Variants in RAVER1 observed in about 807,000 individuals in gnomAD.
RAVER1 encodes the protein ribonucleoprotein PTB-binding 1.
A neutral mutation model predicts 68.4 loss-of-function variants in RAVER1; 36 were observed. That is an observed-to-expected ratio of 0.53 (90% CI 0.40 to 0.70). The LOEUF is 0.70. Ranked by LOEUF, RAVER1 falls within the 30% of genes least tolerant of loss-of-function variation. RAVER1 has a pLI of 0.00. For synonymous variants in RAVER1, 469 were observed against 472.7 expected, an observed-to-expected ratio of 0.99 and a Z score of 0.10; for missense variants, 933 against 1,019.8, an observed-to-expected ratio of 0.91 and a Z score of 1.16.
In RAVER1 at chr19:10,320,448, G is replaced by T. The variant is rs531090858; in HGVS notation, c.1770+207C>A. Among the ~76,000 whole-genome samples the T allele has an allele frequency of 2.7e-5, 4 of 149,734 alleles. No individual in the cohort carries two copies. The East Asian group carries it at 7.9e-4, about 30-fold the overall frequency. On this transcript the variant is annotated intron_variant, in intron 9 of 12. Transcript: ENST00000617231. ...GAGCCCAAGAGGTTGAGGCTGCAGT[G>T]AGCTATGATCGCACCACTGCACTCC...
chr19:10,318,417 C>T, intron 10 of RAVER1, 45 bp from the exon 11 acceptor site: 1 of 1,482,160 alleles, frequency 6.7e-7, no homozygotes, highest in East Asian at 2.5e-5. Context: ...ATTGTAGTAC[C>T]CAGCCCTTTG....
At position 10,320,928 on chromosome 19, in the gene RAVER1, G is replaced by T. The variant is rs1456993545; in HGVS notation, c.1497C>A (p.Pro499=). 2.0e-6 allele frequency: 3 copies of T among 1,496,128 alleles called. No homozygotes were observed. Among genetic ancestry groups the T allele is most frequent in the East Asian group, 2.5e-5 (1 of 39,750 alleles). 92.7% of individuals were successfully genotyped at this position (1,496,128 alleles called of 1,614,324 possible). A position where few individuals can be genotyped will look rare whatever the true frequency, so the allele number is the denominator to read the frequency against. The part of the protein sequence containing the change: ...PPGVSLLGEP[P]KDYRIPLNPY... ...GATTCAGGGGAATCCGGTAGTCCTT[G>T]GGGGGCTCCCCCAGCAGTGAGACCT... The change falls in exon 9 of 13, where the codon CCC becomes CCA. Residue 499 remains proline, a synonymous_variant. Transcript: ENST00000617231.
chr19:10,323,686 C>A lies in RAVER1; in HGVS notation c.757-120G>T. ...AAGGGTGAACTCCACGCCAGGCCTC[C>A]ACTGCCCTGTGCCTCATTCCTGCAT... On this transcript the variant is annotated intron_variant, in intron 3 of 12. Coordinates refer to ENST00000617231, the MANE Select transcript of RAVER1 (RefSeq NM_133452.3). The surrounding 1 kb of genome is among the most constrained non-coding windows in gnomAD (Gnocchi z 6.2). The A allele has an allele frequency of 1.0e-6, 1 of 997,698 alleles. No homozygotes were observed. Among genetic ancestry groups the A allele is most frequent in the Non-Finnish European group, 1.4e-6 (1 of 694,250 alleles). The allele number at this position is 997,698 out of a possible 1,614,324, so 61.8% of individuals were successfully genotyped here.
At position 10,321,588 on chromosome 19, in the gene RAVER1, C is replaced by A; in HGVS notation, c.1204G>T (p.Gly402Cys). 1 of 1,398,996 alleles carries A rather than the reference C, an allele frequency of 7.1e-7. No homozygotes were observed. The highest frequency in any genetic ancestry group is 9.3e-7 in the Non-Finnish European group (1 of 1,071,186). 86.7% of individuals were successfully genotyped at this position (1,398,996 alleles called of 1,614,324 possible). Residue 402 changes from glycine (G) to cysteine (C), a missense_variant, in exon 7 of 13, where the codon GGC becomes TGC. Gly to Cys is a radical substitution (Grantham distance 159). Around this residue, in one of 3 missense-constraint regions of RAVER1, gnomAD observed 699 missense variants for 731.1 expected, o/e 0.96. Coordinates refer to ENST00000617231, the MANE Select transcript of RAVER1 (RefSeq NM_133452.3). ...KPGILGDSPL[G>C]ALQPGAQPAN... ...GGCTGGGCCCCAGGCTGGAGGGCGC[C>A]CAGGGGTGAGTCTCCCAGGATGCCG... is the stretch of plus-strand genomic sequence containing the variant.
Position 10,318,349 on chromosome 19 carries a change from G to A in RAVER1, c.1869C>T (p.Phe623=), listed in dbSNP as rs750634763. The A allele has an allele frequency of 1.2e-5, 19 of 1,602,690 alleles. No homozygotes were observed. The highest frequency in any genetic ancestry group is 6.8e-5 in the East Asian group (3 of 44,244). Residue 623 remains phenylalanine, a synonymous_variant, in exon 11 of 13, where the codon TTC becomes TTT. Coordinates refer to ENST00000617231, the MANE Select transcript of RAVER1 (RefSeq NM_133452.3). ...CACTCCCACCGCTGCTCCGTTCGCC[G>A]AAGCCACTGGGCGGGGGGGACATCT... ...RHKMSPPPSG[F]GERSSGGSGG... is the part of the protein sequence containing the mutation.
intron 9 of RAVER1, among the ~76,000 whole-genome samples, chr19:10,320,399 G>C (rs1314321227): frequency 1.3e-5 from 2 of 151,490 alleles, no homozygotes; most frequent in Non-Finnish European, 2.9e-5. Flanking sequence ...AGCTCCTCAG[G>C]AGACTGAGGT....
At position 10,323,302 on chromosome 19, in the gene RAVER1, A is replaced by G. The variant is rs749998322; in HGVS notation, c.949-28T>C. 2 of 1,612,792 alleles carry G rather than the reference A, an allele frequency of 1.2e-6. No individual in the cohort carries two copies. The highest frequency in any genetic ancestry group is 3.3e-5 in the Admixed American group (2 of 59,808). Reference sequence around the variant, plus strand: ...GCAGGAAGGAACAGAAGCAGCTCAGAGTGCCGCTGGGGCCCTGACATCCCC... The same window carrying G: ...GCAGGAAGGAACAGAAGCAGCTCAGGGTGCCGCTGGGGCCCTGACATCCCC... On this transcript the variant is annotated intron_variant, in intron 4 of 12. Transcript: ENST00000617231. The surrounding 1 kb of genome is among the most constrained non-coding windows in gnomAD (Gnocchi z 6.2).
At chr19:10,326,161 T>A (rs1420315616) in intron 3 of RAVER1, among the ~76,000 whole-genome samples, 2 of 151,882 alleles carry the variant, frequency 1.3e-5, no homozygotes, top group African/African-American at 4.8e-5. Context: ...AGGCTGAAGC[T>A]GGAGAATCAC....
At chr19:10,331,684 C>CAAAA (rs61614587) in intron 1 of RAVER1, among the ~76,000 whole-genome samples, 153 of 72,412 alleles carry the variant, frequency 2.1e-3, no homozygotes, top group Middle Eastern at 9.8e-3. Flanking sequence ...GACTCCGTCT[C>CAAAA]AAAAAAAAAA....
chr19:10,322,633 T>C lies in RAVER1; in HGVS notation c.1173+12A>G. 6.6e-7 allele frequency: 1 copy of C among 1,521,514 alleles called. No homozygotes were observed. The highest frequency in any genetic ancestry group is 8.8e-7 in the Non-Finnish European group (1 of 1,135,872). 94.3% of individuals were successfully genotyped at this position (1,521,514 alleles called of 1,614,324 possible). ...GCTGTAGAGCAGTGGGTGAGGGGGA[T>C]GCGTGTGTTACCTTCTGGCCCTGGG... On this transcript the variant is annotated intron_variant, in intron 6 of 12. Coordinates refer to ENST00000617231, the MANE Select transcript of RAVER1 (RefSeq NM_133452.3). The surrounding 1 kb of genome is among the most constrained non-coding windows in gnomAD (Gnocchi z 4.3).
intron 10 of RAVER1, among the ~76,000 whole-genome samples, 179 bp downstream of exon 10, chr19:10,318,987 G>A (rs1013767181): frequency 6.6e-6 from 1 of 152,180 alleles, no homozygotes; most frequent in Non-Finnish European, 1.5e-5. Context: ...TGAGGCCACA[G>A]TGAGCTATCA....
At chr19:10,319,997 AGG>A (rs2040423876) in intron 9 of RAVER1, among the ~76,000 whole-genome samples, 1 of 152,048 alleles carries the variant, frequency 6.6e-6, no homozygotes, top group Non-Finnish European at 1.5e-5. Flanking sequence ...CCAAATCTCC[AGG>A]GGCACAGACA....
chr19:10,321,752 C>A, intron 6 of RAVER1, 134 bp from the exon 7 acceptor site: 3 of 558,662 alleles, frequency 5.4e-6, no homozygotes, highest in Non-Finnish European at 8.4e-6. Flanking sequence ...GCACAGGGTT[C>A]CCCAGTGCCC....
intron 3 of RAVER1, among the ~76,000 whole-genome samples, chr19:10,325,883 C>T (rs2040471175): frequency 6.6e-6 from 1 of 152,086 alleles, no homozygotes; most frequent in Non-Finnish European, 1.5e-5. Flanking sequence ...GCACTGCCAG[C>T]CCCATTTTGA....
Position 10,333,274 on chromosome 19 carries a change from CG to C in RAVER1, c.219+14del. The stretch of plus-strand genomic sequence containing the variant: ...GGTATTTCCCGCCACGCTCCTACAC[CG>C]CCCCCCCCAATACCTGGTTGGTCAC... On this transcript the variant is annotated intron_variant, in intron 1 of 12. Coordinates refer to ENST00000617231, the MANE Select transcript of RAVER1 (RefSeq NM_133452.3). This position sits in a 1 kb window ranked among gnomAD's most constrained non-coding sequence, Gnocchi z 4.2. 2 of 1,609,018 alleles carry C rather than the reference CG, an allele frequency of 1.2e-6. No individual in the cohort carries two copies. Among genetic ancestry groups the C allele is most frequent in the Non-Finnish European group, 1.7e-6 (2 of 1,176,406 alleles).
intron 10 of RAVER1, 46 bp downstream of exon 10, chr19:10,319,120 G>A (rs773426992): frequency 3.9e-6 from 6 of 1,554,800 alleles, no homozygotes; most frequent in Middle Eastern, 1.7e-4. Flanking sequence ...AGCCTGTCAT[G>A]TAGTAAAAGC....
rs769041940 is a variant in RAVER1 at position 10,322,721 on chromosome 19, G to A, written c.1097C>T (p.Pro366Leu). 2.7e-6 allele frequency: 4 copies of A among 1,509,020 alleles called. No individual in the cohort carries two copies. The highest frequency in any genetic ancestry group is 2.7e-5 in the South Asian group (2 of 74,226). 93.5% of individuals were successfully genotyped at this position (1,509,020 alleles called of 1,614,324 possible). A position where few individuals can be genotyped will look rare whatever the true frequency, so the allele number is the denominator to read the frequency against. The part of the protein sequence containing the change: ...GGKQGLLGAP[P>L]AMPLLNGPAL... ...TGGCCCATTGAGCAGCGGCATGGCT[G>A]GGGGGGCACCCAGGAGGCCTGGAGG... is the stretch of plus-strand genomic sequence containing the variant. The change falls in exon 6 of 13, where the codon CCA becomes CTA. Residue 366 changes from proline (P) to leucine (L), a missense_variant. Pro to Leu is a moderately conservative substitution (Grantham distance 98). Transcript: ENST00000617231. The surrounding 1 kb of genome is among the most constrained non-coding windows in gnomAD (Gnocchi z 4.3).
In RAVER1 at chr19:10,320,748, G is replaced by A; in HGVS notation, c.1677C>T (p.Phe559=). Residue 559 remains phenylalanine, a synonymous_variant, in exon 9 of 13, where the codon TTC becomes TTT. Coordinates refer to ENST00000617231, the MANE Select transcript of RAVER1 (RefSeq NM_133452.3). ...PGGGSSSSKA[F]QLKSRLLSPL... ...GGCTGAGCAGGCGGGACTTGAGCTG[G>A]AAGGCTTTGCTGCTGCTGCTGCCAC... 6.6e-7 allele frequency: 1 copy of A among 1,521,900 alleles called. No individual in the cohort carries two copies. The highest frequency in any genetic ancestry group is 1.3e-5 in the South Asian group (1 of 79,278). 94.3% of individuals were successfully genotyped at this position (1,521,900 alleles called of 1,614,324 possible). A position where few individuals can be genotyped will look rare whatever the true frequency, so the allele number is the denominator to read the frequency against.
chr19:10,331,387 C>CAAAA (rs1568314181), intron 1 of RAVER1, among the ~76,000 whole-genome samples: 2 of 44,560 alleles, frequency 4.5e-5, no homozygotes, highest in African/African-American at 1.9e-4. Flanking sequence ...AAAAAAATAA[C>CAAAA]AACAACAAAA....
Sources: gnomAD v4.1 joint callset for allele counts (sites outside exome capture counted in the v4.1 genomes callset) on GRCh38, gnomAD v4.1.1 for gene constraint, gnomAD v4.1.1 regional missense constraint, Gnocchi (gnomAD v3.1) non-coding constraint, MANE v1.5 for transcripts, NCBI Gene and HGNC (gene_info 2026-07-23, HGNC 2026-07-21) for gene names.